Variants in PHLDB2 observed in about 807,000 individuals in gnomAD.
PHLDB2 encodes the protein pleckstrin homology-like domain family B member 2.
Under a neutral mutation model 123.6 loss-of-function variants are expected in PHLDB2, and 71 were observed. The observed-to-expected ratio is 0.57, with a 90% CI of 0.47 to 0.70. The LOEUF is 0.70. PHLDB2 is among the 30% of genes least tolerant of loss of function. PHLDB2 has a pLI of 0.00. For synonymous variants in PHLDB2, 547 were observed against 541.6 expected (o/e 1.01, Z -0.14); for missense variants, 1,446 against 1,519.5 (o/e 0.95, Z 0.80).
intron 1 of PHLDB2, among the ~76,000 whole-genome samples, chr3:111,768,944 G>A (rs2108040159): frequency 6.6e-6 from 1 of 152,234 alleles, no homozygotes; most frequent in East Asian, 1.9e-4. Flanking sequence ...GAGCCCACTG[G>A]TTGCCAATGA....
intron 1 of PHLDB2, among the ~76,000 whole-genome samples, chr3:111,750,970 G>A (rs906859894): frequency 1.0e-4 from 15 of 148,570 alleles, no homozygotes; most frequent in Admixed American, 2.0e-4. Flanking sequence ...AAAAAAATTC[G>A]CCAGTTCTTT....
chr3:111,902,099 A>G (rs2067237703), intron 2 of PHLDB2, among the ~76,000 whole-genome samples: 1 of 152,156 alleles, frequency 6.6e-6, no homozygotes, highest in African/African-American at 2.4e-5. Flanking sequence ...TTTAAGTAGA[A>G]AGTGCAAAAA....
At chr3:111,882,433 A>G (rs1428625442) in intron 1 of PHLDB2, among the ~76,000 whole-genome samples, 1 of 152,222 alleles carries the variant, frequency 6.6e-6, no homozygotes, top group Non-Finnish European at 1.5e-5. Flanking sequence ...CAGTAGACAC[A>G]TGCTGAGAAG....
intron 1 of PHLDB2, among the ~76,000 whole-genome samples, chr3:111,750,437 A>C (rs908702669): frequency 2.0e-5 from 3 of 152,238 alleles, no homozygotes; most frequent in Non-Finnish European, 1.5e-5. Context: ...TTCATGAATA[A>C]CTGCTGAACA....
chr3:111,747,367 G>T (rs1323275013), intron 1 of PHLDB2, among the ~76,000 whole-genome samples: 1 of 151,786 alleles, frequency 6.6e-6, no homozygotes, highest in Non-Finnish European at 1.5e-5. Flanking sequence ...ATGCCTTAAG[G>T]TATTATTTAT....
Position 111,940,537 on chromosome 3 carries a change from A to G in PHLDB2, c.2289A>G (p.Glu763=), listed in dbSNP as rs773631929. The change falls in exon 8 of 18, where the codon GAA becomes GAG. Residue 763 remains glutamate (E), a splice_region_variant and synonymous_variant. Coordinates refer to ENST00000431670, the MANE Select transcript of PHLDB2 (RefSeq NM_001134438.2). ...EYQRNIVSRK[E]KISALKKQAN... ...TATGATCATCTCTTTTCCTCCAGGAAAAAATTTCTGCATTGAAAAAGCAAG... is the reference window on the plus strand; with the variant it reads ...TATGATCATCTCTTTTCCTCCAGGAGAAAATTTCTGCATTGAAAAAGCAAG... 2 of 1,591,180 alleles carry G rather than the reference A, an allele frequency of 1.3e-6. No homozygotes were observed. The highest frequency in any genetic ancestry group is 1.3e-5 in the African/African-American group (1 of 74,244).
chr3:111,832,209 C>A (rs1230734976), intron 1 of PHLDB2, among the ~76,000 whole-genome samples: 1 of 152,130 alleles, frequency 6.6e-6, no homozygotes, highest in Non-Finnish European at 1.5e-5. Context: ...CCACTTCATA[C>A]CAAATACAAG....
At chr3:111,880,835 G>C (rs1006141395) in intron 1 of PHLDB2, among the ~76,000 whole-genome samples, 6 of 152,144 alleles carry the variant, frequency 3.9e-5, no homozygotes, top group African/African-American at 7.2e-5. Flanking sequence ...TTTATATGGT[G>C]TCTGGGAACT....
rs1047030305 is a variant in PHLDB2, at chr3:111,953,597, G to C, written c.2773-333G>C. Among the ~76,000 whole-genome samples, 14 of 152,266 alleles carry C rather than the reference G, an allele frequency of 9.2e-5. No individual in the cohort carries two copies. The East Asian group carries it at 1.5e-3, about 17-fold the overall frequency. On this transcript the variant is annotated intron_variant, in intron 11 of 17. Transcript: ENST00000431670. ...CCCTGTTCTTTTGCATGGTGCGCAT[G>C]CATTCTTGGCCCTGCATCTGCCCTC... is the stretch of plus-strand genomic sequence containing the variant.
At chr3:111,917,213 A>C (rs2068233857) in intron 3 of PHLDB2, 1 of 152,256 alleles carries the variant, frequency 6.6e-6, no homozygotes, top group African/African-American at 2.4e-5. Context: ...TGCTATAAAC[A>C]GACTCTTAAG....
At chr3:111,831,253 T>C (rs538218175) in intron 1 of PHLDB2, among the ~76,000 whole-genome samples, 1 of 152,330 alleles carries the variant, frequency 6.6e-6, no homozygotes, top group South Asian at 2.1e-4. Flanking sequence ...AAATGTATTA[T>C]TTATACTTAT....
Position 111,949,026 on chromosome 3 carries a change from C to T in PHLDB2, c.2582C>T (p.Ala861Val). 1.9e-6 allele frequency: 3 copies of T among 1,613,820 alleles called. No individual in the cohort carries two copies. The highest frequency in any genetic ancestry group is 2.2e-5 in the South Asian group (2 of 91,084). The change falls in exon 10 of 18, where the codon GCC becomes GTC. Residue 861 changes from alanine (A) to valine (V), a missense_variant. By Grantham distance (64) the Ala-to-Val change is moderately conservative (BLOSUM62 0). Coordinates refer to ENST00000431670, the MANE Select transcript of PHLDB2 (RefSeq NM_001134438.2). ...TTTCCTGCTGATGCTGATGCTGTTG[C>T]CACTGAGCCTGCCACAGCTGTGCTG... Reference protein sequence around the residue: ...TQFPADADAVATEPATAVLAS... With the variant: ...TQFPADADAVVTEPATAVLAS...
intron 1 of PHLDB2, among the ~76,000 whole-genome samples, chr3:111,860,676 AG>A (rs2064790000): frequency 6.6e-6 from 1 of 152,128 alleles, no homozygotes; most frequent in Non-Finnish European, 1.5e-5. Flanking sequence ...TATGTAAAAG[AG>A]GGAGCGACGC....
Position 111,966,598 on chromosome 3 carries a change from T to C in PHLDB2, c.3078-15T>C, listed in dbSNP as rs2071787281. 6.3e-7 allele frequency: 1 copy of C among 1,597,184 alleles called. No individual in the cohort carries two copies. The highest frequency in any genetic ancestry group is 8.6e-7 in the Non-Finnish European group (1 of 1,167,060). On this transcript the variant is annotated splice_polypyrimidine_tract_variant and intron_variant, in intron 13 of 17. Transcript: ENST00000431670. Reference sequence around the variant, plus strand: ...CTAAACCAATATTCTCAAAAGGCTTTGGTGTTTCATTCAGTGCCAGCACTT... The same window carrying C: ...CTAAACCAATATTCTCAAAAGGCTTCGGTGTTTCATTCAGTGCCAGCACTT...
chr3:111,934,779 T>A (rs1169439711), intron 6 of PHLDB2, among the ~76,000 whole-genome samples: 4 of 152,202 alleles, frequency 2.6e-5, no homozygotes, highest in Admixed American at 2.0e-4. Flanking sequence ...AAATGAGTCA[T>A]TTAACTCATC....
intron 1 of PHLDB2, chr3:111,778,328 G>A (rs908529759): frequency 3.9e-5 from 6 of 151,986 alleles, no homozygotes; most frequent in Non-Finnish European, 8.8e-5. Flanking sequence ...GGCCATCTAC[G>A]AGCCAAGGAG....
chr3:111,922,216 GT>G (rs1470378279), intron 5 of PHLDB2, among the ~76,000 whole-genome samples: 8 of 152,188 alleles, frequency 5.3e-5, no homozygotes, highest in Non-Finnish European at 1.5e-5. Context: ...AATCCATGTA[GT>G]TATTTATTTT....
chr3:111,911,891 G>A (rs1337544860), intron 2 of PHLDB2, among the ~76,000 whole-genome samples: 1 of 152,112 alleles, frequency 6.6e-6, no homozygotes, highest in Non-Finnish European at 1.5e-5. Flanking sequence ...GAGTTATGTT[G>A]GTCTGTTCCT....
At chr3:111,933,211 C>T (rs576673833) in intron 6 of PHLDB2, among the ~76,000 whole-genome samples, 3 of 152,288 alleles carry the variant, frequency 2.0e-5, no homozygotes, top group South Asian at 2.1e-4. Context: ...GGGAAGCAGT[C>T]GTTAACAGTC....
Sources: allele counts gnomAD v4.1 joint callset (sites outside exome capture counted in the v4.1 genomes callset), GRCh38; gene constraint gnomAD v4.1.1; transcripts MANE v1.5; gene names NCBI Gene and HGNC (gene_info 2026-07-23, HGNC 2026-07-21).